Variants in DGKB observed in about 807,000 individuals in gnomAD.
DGKB encodes diacylglycerol kinase beta.
A neutral mutation model predicts 114.3 loss-of-function variants in DGKB; 67 were observed. The ratio of observed to expected loss-of-function variants is 0.59; its 90% CI spans 0.48 to 0.72. The LOEUF is 0.72. Among genes scored for constraint, DGKB ranks in the 30% least tolerant of loss-of-function variants. DGKB has a pLI of 0.00. For synonymous variants in DGKB, 398 were observed against 323.1 expected, an observed-to-expected ratio of 1.23 and a Z score of -2.49; for missense variants, 907 against 975.2, an observed-to-expected ratio of 0.93 and a Z score of 0.93.
intron 9 of DGKB, among the ~76,000 whole-genome samples, chr7:14,690,780 CA>C (rs916201310): frequency 1.3e-5 from 2 of 151,984 alleles, no homozygotes; most frequent in Non-Finnish European, 2.9e-5. Flanking sequence ...AGTTATTCAA[CA>C]AAAAAAGTGT....
chr7:14,280,446 A>T (rs1489451917), intron 23 of DGKB, among the ~76,000 whole-genome samples: 2 of 150,598 alleles, frequency 1.3e-5, no homozygotes, highest in Non-Finnish European at 2.9e-5. Context: ...GCAGGATGTT[A>T]TCCAGGAGAA....
At chr7:14,178,226 G>A in intron 23 of DGKB, 75 bp from the exon 24 acceptor site, 1 of 1,477,210 alleles carries the variant, frequency 6.8e-7, no homozygotes, top group Non-Finnish European at 9.1e-7. Context: ...TTGATATTAT[G>A]GAGATTAAAA....
intron 20 of DGKB, among the ~76,000 whole-genome samples, chr7:14,571,960 T>TA (rs1335683377): frequency 6.6e-6 from 1 of 151,962 alleles, no homozygotes; most frequent in African/African-American, 2.4e-5. Flanking sequence ...TCCAGAGAAT[T>TA]AAAGATATAA....
chr7:14,512,876 G>A (rs138517190), intron 20 of DGKB, among the ~76,000 whole-genome samples: 2 of 152,124 alleles, frequency 1.3e-5, no homozygotes, highest in Non-Finnish European at 2.9e-5. Flanking sequence ...AAACGAGGAG[G>A]TTTTGCTTTA....
chr7:14,347,396 A>G (rs75030133), intron 21 of DGKB, among the ~76,000 whole-genome samples: 4 of 152,158 alleles, frequency 2.6e-5, no homozygotes, highest in South Asian at 2.1e-4. Flanking sequence ...TCCTCAAAAA[A>G]TTAAAAAATA....
intron 4 of DGKB, among the ~76,000 whole-genome samples, chr7:14,745,847 AGCTGAAC>A (rs1449172790): frequency 6.6e-6 from 1 of 152,202 alleles, no homozygotes; most frequent in Non-Finnish European, 1.5e-5. Flanking sequence ...ACCTGGATTT[AGCTGAAC>A]TAAGGAGCAA....
In DGKB at chr7:14,756,477, T is replaced by C. The variant is rs181100283; in HGVS notation, c.147+1178A>G. ...CTTTAAATAGCCTTTATTTTCTCCA[T>C]CATTTATAGGCACCAAATATTAATT... is the stretch of plus-strand genomic sequence containing the variant. On this transcript the variant is annotated intron_variant, in intron 3 of 25. Coordinates refer to ENST00000402815, the MANE Select transcript of DGKB (RefSeq NM_001350709.2). Among the ~76,000 whole-genome samples, 364 of 152,052 alleles carry C rather than the reference T, an allele frequency of 2.4e-3. 1 individual carries two copies. Among genetic ancestry groups the C allele is most frequent in the African/African-American group, 8.4e-3 (348 of 41,538 alleles).
At chr7:14,334,943 T>A (rs189798959) in intron 23 of DGKB, among the ~76,000 whole-genome samples, 1 of 152,194 alleles carries the variant, frequency 6.6e-6, no homozygotes, top group East Asian at 1.9e-4. Context: ...TAAACACATA[T>A]GCACACAAAG....
chr7:14,236,258 C>A (rs553896536), intron 23 of DGKB, among the ~76,000 whole-genome samples: 1 of 151,624 alleles, frequency 6.6e-6, no homozygotes, highest in Non-Finnish European at 1.5e-5. Context: ...AAACTCCCAA[C>A]ATGAAAGACA....
At chr7:14,781,719 C>T (rs187275470) in intron 2 of DGKB, among the ~76,000 whole-genome samples, 49 of 152,194 alleles carry the variant, frequency 3.2e-4, no homozygotes, top group Admixed American at 2.0e-3. Context: ...GTTATTTTTA[C>T]GCACCATTCT....
intron 13 of DGKB, among the ~76,000 whole-genome samples, chr7:14,641,065 C>A (rs114301582): frequency 1.6e-3 from 246 of 152,246 alleles, no homozygotes; most frequent in African/African-American, 5.3e-3. Flanking sequence ...TATTTGGGAG[C>A]TTTTATGCCA....
intron 5 of DGKB, among the ~76,000 whole-genome samples, chr7:14,723,899 A>G (rs1316409274): frequency 6.6e-6 from 1 of 152,166 alleles, no homozygotes; most frequent in African/African-American, 2.4e-5. Flanking sequence ...TCTTGAAACA[A>G]TAACCTCAAA....
At chr7:14,612,615 TATC>T (rs1805763280) in intron 16 of DGKB, among the ~76,000 whole-genome samples, 2 of 152,092 alleles carry the variant, frequency 1.3e-5, no homozygotes, top group African/African-American at 2.4e-5. Context: ...GTTATACTGT[TATC>T]ATGTTTGTTA....
At chr7:14,362,868 T>G (rs751137632) in intron 21 of DGKB, among the ~76,000 whole-genome samples, 1 of 152,130 alleles carries the variant, frequency 6.6e-6, no homozygotes, top group Non-Finnish European at 1.5e-5. Context: ...AGTGAGACTG[T>G]GCTGCTGCTT....
At chr7:14,914,437 A>G (rs1445852642) in intron 1 of DGKB, among the ~76,000 whole-genome samples, 1 of 152,184 alleles carries the variant, frequency 6.6e-6, no homozygotes, top group African/African-American at 2.4e-5. Flanking sequence ...GAAACCCAAT[A>G]ACAAAACGAA....
intron 1 of DGKB, among the ~76,000 whole-genome samples, chr7:14,894,519 GT>G (rs1029672037): frequency 6.6e-6 from 1 of 151,354 alleles, no homozygotes; most frequent in Non-Finnish European, 1.5e-5. Context: ...TTCTTCTTGT[GT>G]TTTGTTTTCT....
At chr7:14,838,660 AG>A (rs1847494378) in intron 2 of DGKB, among the ~76,000 whole-genome samples, 1 of 152,082 alleles carries the variant, frequency 6.6e-6, no homozygotes, top group Non-Finnish European at 1.5e-5. Context: ...TACGTTATGC[AG>A]TCTACACCAA....
chr7:14,720,970 C>A (rs986097169), intron 5 of DGKB, among the ~76,000 whole-genome samples: 5 of 152,012 alleles, frequency 3.3e-5, no homozygotes, highest in Admixed American at 1.3e-4. Flanking sequence ...TTGACATGAC[C>A]ATAACTTTCA....
intron 1 of DGKB, among the ~76,000 whole-genome samples, chr7:14,922,130 T>C (rs1437027048): frequency 3.5e-5 from 5 of 142,398 alleles, no homozygotes; most frequent in Non-Finnish European, 8.0e-5. Flanking sequence ...TTCATAAATA[T>C]TGATGTAGAA....
Sources: allele counts gnomAD v4.1 joint callset (sites outside exome capture counted in the v4.1 genomes callset), GRCh38; gene constraint gnomAD v4.1.1; transcripts MANE v1.5; gene names NCBI Gene and HGNC (gene_info 2026-07-23, HGNC 2026-07-21).